The following EYS variants were observed in gnomAD, a reference collection of about 807,000 sequenced individuals.
The protein encoded by EYS is protein eyes shut homolog.
EYS carries 250 observed loss-of-function variants against 282.1 expected under a neutral mutation model. The ratio of observed to expected loss-of-function variants is 0.89; its 90% CI spans 0.80 to 0.98. The LOEUF is 0.98. EYS is among the 50% of genes least tolerant of loss of function. EYS has a pLI of 0.00. For synonymous variants in EYS, 1,355 were observed against 1,282.9 expected (o/e 1.06, Z -1.20); for missense variants, 4,016 against 3,709.0 (o/e 1.08, Z -2.15).
At chr6:64,035,494 G>A (rs188838850) in intron 33 of EYS, among the ~76,000 whole-genome samples, 1 of 152,274 alleles carries the variant, frequency 6.6e-6, no homozygotes, top group Admixed American at 6.5e-5. Flanking sequence ...ATCAGAGCCA[G>A]GTCTTGCAAA....
At chr6:64,679,692 T>C (rs141962121) in intron 22 of EYS, among the ~76,000 whole-genome samples, 2 of 152,332 alleles carry the variant, frequency 1.3e-5, no homozygotes, top group East Asian at 3.9e-4. Flanking sequence ...ACTGAGTGTG[T>C]TGTCATCATT....
chr6:64,485,575 A>G (rs2150502347), intron 26 of EYS, among the ~76,000 whole-genome samples: 1 of 151,634 alleles, frequency 6.6e-6, no homozygotes, highest in Admixed American at 6.6e-5. Flanking sequence ...ACACCCACTC[A>G]ATGTCCTGAT....
intron 13 of EYS, among the ~76,000 whole-genome samples, chr6:65,019,690 T>G (rs1269500985): frequency 1.3e-5 from 2 of 152,174 alleles, no homozygotes; most frequent in Non-Finnish European, 2.9e-5. Context: ...ACAACAGGAA[T>G]TATCTCAAAA....
intron 5 of EYS, among the ~76,000 whole-genome samples, chr6:65,471,720 T>C (rs1765225388): frequency 6.6e-6 from 1 of 152,142 alleles, no homozygotes; most frequent in South Asian, 2.1e-4. Context: ...CTTCTATGAA[T>C]CATAATTATT....
At chr6:64,896,490 AG>A (rs1187682128) in intron 18 of EYS, among the ~76,000 whole-genome samples, 4 of 152,080 alleles carry the variant, frequency 2.6e-5, no homozygotes. Flanking sequence ...CTGGGTTTCA[AG>A]CAAAAAACTG....
At chr6:65,653,029 T>C (rs936186016) in intron 1 of EYS, among the ~76,000 whole-genome samples, 4 of 151,792 alleles carry the variant, frequency 2.6e-5, no homozygotes, top group Non-Finnish European at 5.9e-5. Context: ...CAGAAGATAG[T>C]GTTAACAGGC....
intron 36 of EYS, among the ~76,000 whole-genome samples, chr6:63,856,061 C>T (rs183925980): frequency 1.4e-3 from 199 of 146,766 alleles, no homozygotes; most frequent in African/African-American, 4.7e-3. Flanking sequence ...TTGTGCCTTC[C>T]GTTGCTTGCT....
At chr6:65,363,361 TAAAC>T (rs989990702) in intron 8 of EYS, among the ~76,000 whole-genome samples, 21 of 152,010 alleles carry the variant, frequency 1.4e-4, no homozygotes, top group Admixed American at 1.2e-3. Flanking sequence ...TAATATTAAA[TAAAC>T]AATCAATTAA....
chr6:65,227,822 A>C (rs1053472888), intron 12 of EYS, among the ~76,000 whole-genome samples: 3 of 152,142 alleles, frequency 2.0e-5, no homozygotes, highest in Admixed American at 2.0e-4. Flanking sequence ...CAGACAAAAA[A>C]AGGACAGATA....
At chr6:64,937,229 T>A (rs1285399616) in intron 15 of EYS, among the ~76,000 whole-genome samples, 1 of 151,478 alleles carries the variant, frequency 6.6e-6, no homozygotes, top group Non-Finnish European at 1.5e-5. Flanking sequence ...ATTATTGTAA[T>A]CTTCAGTTAG....
intron 12 of EYS, among the ~76,000 whole-genome samples, chr6:65,226,071 TAAATC>T (rs1766617446): frequency 6.6e-6 from 1 of 151,950 alleles, no homozygotes; most frequent in South Asian, 2.1e-4. Flanking sequence ...AAATAAAAAT[TAAATC>T]TATTTATATT....
intron 31 of EYS, among the ~76,000 whole-genome samples, chr6:64,141,415 A>G (rs1217578197): frequency 6.6e-6 from 1 of 152,230 alleles, no homozygotes; most frequent in Non-Finnish European, 1.5e-5. Context: ...TAAATTAGAA[A>G]GCAGGTTGAT....
At chr6:64,763,608 A>T (rs1439530705) in intron 22 of EYS, among the ~76,000 whole-genome samples, 1 of 152,178 alleles carries the variant, frequency 6.6e-6, no homozygotes. Context: ...CCTAAATCTC[A>T]TGTCCTGACA....
chr6:64,772,055 G>A (rs1773541196), intron 22 of EYS, among the ~76,000 whole-genome samples: 1 of 151,502 alleles, frequency 6.6e-6, no homozygotes, highest in South Asian at 2.1e-4. Context: ...TTTTCACATG[G>A]AATCCTTCTT....
chr6:63,820,567 C>G (rs1011040479), intron 36 of EYS, among the ~76,000 whole-genome samples: 1 of 152,296 alleles, frequency 6.6e-6, no homozygotes, highest in South Asian at 2.1e-4. Flanking sequence ...GAGATATTCA[C>G]TGATTCATGT....
chr6:64,839,612 C>T (rs940664387), intron 19 of EYS, among the ~76,000 whole-genome samples: 1 of 151,918 alleles, frequency 6.6e-6, no homozygotes, highest in Non-Finnish European at 1.5e-5. Context: ...GTTTGTATTG[C>T]TATAATTATA....
At chr6:65,027,526 C>T (rs1193132483) in intron 13 of EYS, among the ~76,000 whole-genome samples, 2 of 152,162 alleles carry the variant, frequency 1.3e-5, no homozygotes, top group Non-Finnish European at 2.9e-5. Context: ...ACAATTACAG[C>T]ATTCTAAACA....
At chr6:64,366,219 T>A (rs1772174637) in intron 29 of EYS, among the ~76,000 whole-genome samples, 1 of 151,994 alleles carries the variant, frequency 6.6e-6, no homozygotes, top group Admixed American at 6.6e-5. Flanking sequence ...AGAGGTAACA[T>A]TTTAGGACTC....
intron 31 of EYS, among the ~76,000 whole-genome samples, chr6:64,089,808 G>A (rs1772291937): frequency 6.6e-6 from 1 of 152,042 alleles, no homozygotes; most frequent in African/African-American, 2.4e-5. Flanking sequence ...AAAATCAGCA[G>A]AACTAACATT....
Sources: gnomAD v4.1 joint callset for allele counts (sites outside exome capture counted in the v4.1 genomes callset) on GRCh38, gnomAD v4.1.1 for gene constraint, MANE v1.5 for transcripts, NCBI Gene and HGNC (gene_info 2026-07-23, HGNC 2026-07-21) for gene names.